The following CNTNAP2 variants were observed in gnomAD, a reference collection of about 807,000 sequenced individuals.
CNTNAP2 encodes contactin-associated protein-like 2.
CNTNAP2 carries 98 observed loss-of-function variants against 155.2 expected under a neutral mutation model. The ratio of observed to expected loss-of-function variants is 0.63; its 90% CI spans 0.54 to 0.75. The LOEUF (loss-of-function observed/expected upper bound fraction) is 0.75. CNTNAP2 is among the 30% of genes least tolerant of loss of function. The probability of loss-of-function intolerance (pLI) is 0.00; values close to 1 mark genes in which losing one functional copy is unlikely to be tolerated. For synonymous variants in CNTNAP2, 651 were observed against 631.2 expected, an observed-to-expected ratio of 1.03 and a Z score of -0.47; for missense variants, 1,727 against 1,688.1, an observed-to-expected ratio of 1.02 and a Z score of -0.40.
At chr7:146,670,633 T>A (rs1800286607) in intron 1 of CNTNAP2, among the ~76,000 whole-genome samples, 1 of 152,060 alleles carries the variant, frequency 6.6e-6, no homozygotes, top group Admixed American at 6.6e-5. Flanking sequence ...TCAGAATGAG[T>A]ATATTCTCAC....
At chr7:147,566,326 G>A (rs1263031962) in intron 12 of CNTNAP2, among the ~76,000 whole-genome samples, 1 of 125,638 alleles carries the variant, frequency 8.0e-6, no homozygotes, top group African/African-American at 3.0e-5. Flanking sequence ...GGAGGAGGAG[G>A]GGTAGAGGGA....
chr7:147,744,005 T>C (rs1796998097), intron 13 of CNTNAP2, among the ~76,000 whole-genome samples: 1 of 152,188 alleles, frequency 6.6e-6, no homozygotes, highest in African/African-American at 2.4e-5. Flanking sequence ...ATTTGAAAAA[T>C]TATACTAATT....
chr7:146,881,615 A>C (rs1161455279), intron 3 of CNTNAP2, among the ~76,000 whole-genome samples: 1 of 152,000 alleles, frequency 6.6e-6, no homozygotes, highest in Non-Finnish European at 1.5e-5. Context: ...AAACATGAAA[A>C]ATTTATGATT....
rs1322484590 is a variant in CNTNAP2, at chr7:147,716,511, C to T, written c.2098+77205C>T. Among the ~76,000 whole-genome samples, 10 of 152,018 alleles carry T rather than the reference C, an allele frequency of 6.6e-5. No individual in the cohort carries two copies. The East Asian group carries it at 1.2e-3, about 18-fold the overall frequency. On this transcript the variant is annotated intron_variant, in intron 13 of 23. Coordinates refer to ENST00000361727, the MANE Select transcript of CNTNAP2 (RefSeq NM_014141.6). ...CCACCCTAAGCTTTTATTATGCAGG[C>T]GAGTTCTCTGCCTGAGCTGAGCCAT... is the stretch of plus-strand genomic sequence containing the variant.
At chr7:146,872,558 T>C (rs1795335020) in intron 3 of CNTNAP2, among the ~76,000 whole-genome samples, 1 of 152,202 alleles carries the variant, frequency 6.6e-6, no homozygotes, top group South Asian at 2.1e-4. Context: ...ACGGCTGTTG[T>C]ACTAATAATG....
intron 1 of CNTNAP2, among the ~76,000 whole-genome samples, chr7:146,622,233 A>G (rs3077420): frequency 4.1e-5 from 6 of 144,690 alleles, no homozygotes; most frequent in African/African-American, 1.5e-4. Context: ...GTATATATAT[A>G]TGTGTGTGTA....
intron 9 of CNTNAP2, among the ~76,000 whole-genome samples, chr7:147,310,239 T>C (rs1198885632): frequency 1.3e-5 from 2 of 152,158 alleles, no homozygotes; most frequent in African/African-American, 4.8e-5. Flanking sequence ...TGGCTTGCAT[T>C]GGAAATACTC....
intron 5 of CNTNAP2, among the ~76,000 whole-genome samples, chr7:147,117,228 G>C (rs1022443228): frequency 1.3e-5 from 2 of 152,094 alleles, no homozygotes; most frequent in South Asian, 2.1e-4. Context: ...GTGCATGATT[G>C]AGCAGTTGTT....
At chr7:147,628,094 C>T (rs115053138) in intron 12 of CNTNAP2, among the ~76,000 whole-genome samples, 135 of 152,150 alleles carry the variant, frequency 8.9e-4, no homozygotes, top group African/African-American at 2.9e-3. Flanking sequence ...CCTGGCCTTG[C>T]TAGAGATCAA....
intron 3 of CNTNAP2, among the ~76,000 whole-genome samples, chr7:147,031,130 T>C (rs1011979564): frequency 2.6e-5 from 4 of 152,208 alleles, no homozygotes; most frequent in Non-Finnish European, 5.9e-5. Flanking sequence ...TAGATTTGTA[T>C]TTCTGTTTGT....
chr7:146,167,698 C>G (rs1427551632), intron 1 of CNTNAP2, among the ~76,000 whole-genome samples: 1 of 152,142 alleles, frequency 6.6e-6, no homozygotes, highest in Non-Finnish European at 1.5e-5. Flanking sequence ...TGTTTGGACA[C>G]AGCAAATTTG....
At chr7:146,248,830 T>A (rs1799709133) in intron 1 of CNTNAP2, among the ~76,000 whole-genome samples, 1 of 152,074 alleles carries the variant, frequency 6.6e-6, no homozygotes, top group Non-Finnish European at 1.5e-5. Context: ...CGCCTCCGTG[T>A]GAAGAGACCA....
At chr7:146,855,884 T>C (rs1291277235) in intron 3 of CNTNAP2, among the ~76,000 whole-genome samples, 2 of 145,370 alleles carry the variant, frequency 1.4e-5, no homozygotes, top group African/African-American at 2.5e-5. Flanking sequence ...TAAGTAGCTC[T>C]GACAGCTGGA....
chr7:146,439,040 T>A (rs1796282781), intron 1 of CNTNAP2, among the ~76,000 whole-genome samples: 1 of 151,324 alleles, frequency 6.6e-6, no homozygotes, highest in South Asian at 2.1e-4. Flanking sequence ...AGTGTAGGAT[T>A]TCATTATATC....
chr7:146,762,003 T>TA (rs1005437512), intron 1 of CNTNAP2, among the ~76,000 whole-genome samples: 7 of 152,162 alleles, frequency 4.6e-5, no homozygotes, highest in African/African-American at 1.7e-4. Context: ...TAACAGAAAT[T>TA]AAAATAAATG....
intron 2 of CNTNAP2, among the ~76,000 whole-genome samples, chr7:146,817,271 A>G (rs1487330821): frequency 1.3e-5 from 2 of 152,044 alleles, no homozygotes; most frequent in Non-Finnish European, 2.9e-5. Flanking sequence ...CAGGAGTTCA[A>G]GACCAGCCTG....
intron 1 of CNTNAP2, among the ~76,000 whole-genome samples, chr7:146,314,609 G>T (rs1800878421): frequency 6.6e-6 from 1 of 152,134 alleles, no homozygotes; most frequent in African/African-American, 2.4e-5. Context: ...TGGTCTAGGA[G>T]ATTCAGGAGC....
At chr7:146,546,855 C>G (rs1474578478) in intron 1 of CNTNAP2, among the ~76,000 whole-genome samples, 1 of 151,870 alleles carries the variant, frequency 6.6e-6, no homozygotes, top group Non-Finnish European at 1.5e-5. Flanking sequence ...GGTAACTGCA[C>G]CCGTGATTCA....
chr7:146,615,618 C>T (rs2129154980), intron 1 of CNTNAP2, among the ~76,000 whole-genome samples: 1 of 152,290 alleles, frequency 6.6e-6, no homozygotes, highest in African/African-American at 2.4e-5. Flanking sequence ...ACCTGAGACT[C>T]TTTCTGAAGG....
Sources: gnomAD v4.1 joint callset for allele counts (sites outside exome capture counted in the v4.1 genomes callset) on GRCh38, gnomAD v4.1.1 for gene constraint, MANE v1.5 for transcripts, NCBI Gene and HGNC (gene_info 2026-07-23, HGNC 2026-07-21) for gene names.